The following RNF170 variants were observed in gnomAD, a reference collection of about 807,000 sequenced individuals.
RNF170 encodes the protein E3 ubiquitin-protein ligase RNF170.
In RNF170, 12 loss-of-function variants were observed where a neutral mutation model predicts 32.7. The observed-to-expected ratio is 0.37, with a 90% confidence interval of 0.24 to 0.60. The LOEUF is 0.60. Among genes scored for constraint, RNF170 ranks in the 20% least tolerant of loss-of-function variants. RNF170 has a pLI of 0.72. For synonymous variants in RNF170, 91 were observed against 103.6 expected, an observed-to-expected ratio of 0.88 and a Z score of 0.74; for missense variants, 212 against 311.2, an observed-to-expected ratio of 0.68 and a Z score of 2.40.
chr8:42,890,317 G>A (rs1289666440), intron 1 of RNF170, among the ~76,000 whole-genome samples: 6 of 145,028 alleles, frequency 4.1e-5, no homozygotes, highest in Non-Finnish European at 7.5e-5. Context: ...TTGCTCTGTC[G>A]CCCAGGCTGG....
chr8:42,885,177 T>G (rs1219034812), intron 2 of RNF170, among the ~76,000 whole-genome samples: 1 of 152,092 alleles, frequency 6.6e-6, no homozygotes, highest in East Asian at 1.9e-4. Context: ...GTTAATATCA[T>G]GTCCTCCAGG....
chr8:42,888,599 C>T (rs1806031636), intron 1 of RNF170, among the ~76,000 whole-genome samples: 1 of 151,620 alleles, frequency 6.6e-6, no homozygotes, highest in African/African-American at 2.4e-5. Context: ...CCCGTCTCTA[C>T]TAAAAATACA....
chr8:42,876,186 A>G (rs1804914950), intron 2 of RNF170, among the ~76,000 whole-genome samples: 1 of 151,286 alleles, frequency 6.6e-6, no homozygotes, highest in Non-Finnish European at 1.5e-5. Flanking sequence ...AAGAAGATGT[A>G]GGAATTCTTA....
downstream of RNF170, among the ~76,000 whole-genome samples, chr8:42,851,274 AGAG>A (rs1211138103): frequency 6.6e-6 from 1 of 152,096 alleles, no homozygotes; most frequent in Admixed American, 6.6e-5. Flanking sequence ...TAAGAGTAAG[AGAG>A]GAGGCTGGGT....
At chr8:42,884,213 A>G (rs755577487) in intron 2 of RNF170, among the ~76,000 whole-genome samples, 59 of 151,482 alleles carry the variant, frequency 3.9e-4, no homozygotes, top group Non-Finnish European at 5.7e-4. Context: ...CCGAGTAGCT[A>G]GCTGGGGTTA....
At chr8:42,850,724 TCACTGCCTACTTTTGCACTACTTTTG>T (rs1802919083), downstream of RNF170, 13 of 1,544,756 alleles carry the variant, frequency 8.4e-6, 1 homozygote, top group African/African-American at 4.1e-5. Context: ...GAGGGGAGGG[TCACTGCCTACTTTTGCACTACTTTTG>T]CACTGCCTAC....
intron 5 of RNF170, among the ~76,000 whole-genome samples, chr8:42,863,980 A>AGTGTGTGTGTGTGTGTGTGT (rs71231874): frequency 2.2e-5 from 3 of 139,512 alleles, no homozygotes; most frequent in African/African-American, 8.1e-5. Flanking sequence ...AGAGAGAGAG[A>AGTGTGTGTGTGTGTGTGTGT]GTGTGTGTGT....
chr8:42,883,439 C>T (rs1418835868), intron 2 of RNF170, among the ~76,000 whole-genome samples: 1 of 151,922 alleles, frequency 6.6e-6, no homozygotes, highest in Non-Finnish European at 1.5e-5. Context: ...CATGGTGGCG[C>T]GTGCCTGTAG....
Position 42,861,868 on chromosome 8 carries a change from GA to G in RNF170, c.397-14del, listed in dbSNP as rs558493564. ...GGAGTAAGGTTACCTGTATATTACA[GA>G]AAAAAAAATTATTTCAACTTTCTGC... On this transcript the variant is annotated splice_polypyrimidine_tract_variant and intron_variant, in intron 5 of 6. Transcript: ENST00000527424. 302 of 1,576,324 alleles carry G rather than the reference GA, an allele frequency of 1.9e-4. No individual in the cohort carries two copies. The highest frequency in any genetic ancestry group is 2.3e-4 in the Non-Finnish European group (272 of 1,162,222).
At chr8:42,874,830 G>C (rs1291809523) in intron 2 of RNF170, among the ~76,000 whole-genome samples, 2 of 152,104 alleles carry the variant, frequency 1.3e-5, no homozygotes, top group Admixed American at 1.3e-4. Context: ...TCAAAGGCAA[G>C]CGGTTAGTGG....
rs1803106380 is a variant in RNF170, at chr8:42,854,635, T to C, written c.*1524A>G. 7.8e-7 allele frequency: 1 copy of C among 1,287,114 alleles called. No homozygotes were observed. Among genetic ancestry groups the C allele is most frequent in the African/African-American group, 1.5e-5 (1 of 65,806 alleles). The allele number at this position is 1,287,114 out of a possible 1,614,324, so 79.7% of individuals were successfully genotyped here. On this transcript the variant is annotated 3_prime_UTR_variant, in exon 7 of 7. Transcript: ENST00000527424. ...TTAATTGGTAGCTGATCTGATTAGC[T>C]AGAGAGAATGTGACAGATTTTCTCC...
intron 4 of RNF170, among the ~76,000 whole-genome samples, chr8:42,867,775 C>CAAAAAAAAAAAAAAAA (rs1054907767): frequency 8.1e-5 from 2 of 24,772 alleles, no homozygotes; most frequent in Non-Finnish European, 1.6e-4. Flanking sequence ...GACTCCATCT[C>CAAAAAAAAAAAAAAAA]AAAAAAAAAA....
intron 6 of RNF170, chr8:42,861,495 C>T (rs7824088): frequency 4.5e-4 from 195 of 430,304 alleles, no homozygotes; most frequent in African/African-American, 3.6e-3. Context: ...CATGTGCCAA[C>T]ACTCTTGTCC....
intron 2 of RNF170, among the ~76,000 whole-genome samples, chr8:42,878,040 G>GCAATCAAT (rs59449693): frequency 7.9e-5 from 12 of 151,400 alleles, no homozygotes; most frequent in South Asian, 2.1e-4. Flanking sequence ...GGTTATACTT[G>GCAATCAAT]CAATCAATCA....
upstream of RNF170, chr8:42,897,229 C>G (rs1807013298): frequency 1.7e-6 from 2 of 1,203,666 alleles, no homozygotes; most frequent in South Asian, 4.2e-5. Flanking sequence ...CCCCCTCCCC[C>G]CGCCACCTAC....
Position 42,854,174 on chromosome 8 carries a change from T to C in RNF170, c.*1985A>G. 7.8e-7 allele frequency: 1 copy of C among 1,287,156 alleles called. No individual in the cohort carries two copies. 79.7% of individuals were successfully genotyped at this position (1,287,156 alleles called of 1,614,324 possible). On this transcript the variant is annotated 3_prime_UTR_variant, in exon 7 of 7. Transcript: ENST00000527424. ...AAGTGTAGAATTCGGATTCATGTCA[T>C]CTCCACAGACCTTTCCTCTTAGGAG...
chr8:42,874,696 C>T (rs1804781248), intron 2 of RNF170, among the ~76,000 whole-genome samples: 2 of 151,836 alleles, frequency 1.3e-5, no homozygotes, highest in African/African-American at 4.8e-5. Flanking sequence ...AAGCTGAGAT[C>T]ATGCCATTGC....
chr8:42,870,041 G>T lies in RNF170; in HGVS notation c.285C>A (p.Ser95=). 1.9e-6 allele frequency: 3 copies of T among 1,614,142 alleles called. No homozygotes were observed. The highest frequency in any genetic ancestry group is 2.5e-6 in the Non-Finnish European group (3 of 1,179,990). The change falls in exon 4 of 7, where the codon TCC becomes TCA. Residue 95 remains serine, a synonymous_variant. Transcript: ENST00000527424. ...GTCCACAGTTGGTCTCCACCGGGAA[G>T]GAGGCTTGGTGCAGGCAGATGGGAC... is the stretch of plus-strand genomic sequence containing the variant. ...MYCPICLHQA[S]FPVETNCGHL...
At chr8:42,887,679 G>A (rs1336058422) in intron 2 of RNF170, 49 bp downstream of exon 2, 1 of 1,585,236 alleles carries the variant, frequency 6.3e-7, no homozygotes, top group Non-Finnish European at 8.7e-7. Flanking sequence ...GGGTCAAAAA[G>A]TCAGCAGCCC....
Sources: allele counts gnomAD v4.1 joint callset (sites outside exome capture counted in the v4.1 genomes callset), GRCh38; gene constraint gnomAD v4.1.1; transcripts MANE v1.5; gene names NCBI Gene and HGNC (gene_info 2026-07-23, HGNC 2026-07-21).